Variants in ITGB6 observed in about 807,000 individuals in gnomAD.
The protein encoded by ITGB6 is integrin beta-6.
ITGB6 carries 80 observed loss-of-function variants against 84.5 expected under a neutral mutation model. The observed-to-expected ratio is 0.95, with a 90% CI of 0.79 to 1.14. The LOEUF (loss-of-function observed/expected upper bound fraction) is 1.14, where lower values mean the gene tolerates loss of function less well. Among genes scored for constraint, ITGB6 ranks in the 50% most tolerant of loss-of-function variants. The pLI is 0.00. For synonymous variants in ITGB6, 383 were observed against 354.9 expected (o/e 1.08, Z -0.89); for missense variants, 1,006 against 968.0 (o/e 1.04, Z -0.52).
intron 7 of ITGB6, among the ~76,000 whole-genome samples, chr2:160,149,926 C>A (rs1276638683): frequency 6.6e-6 from 1 of 151,820 alleles, no homozygotes; most frequent in African/African-American, 2.4e-5. Context: ...AAAAAGAAAC[C>A]AACAAAGCCT....
rs141994713 is a variant in ITGB6, at chr2:160,152,658, T to G, written c.1018-10587A>C. On this transcript the variant is annotated intron_variant, in intron 7 of 14. Transcript: ENST00000283249. ...AGTTAGGAAAAGAGGAAGTCAAATTTTCCCTGTTTGCAGATGACATGATTG... is the reference window on the plus strand; with the variant it reads ...AGTTAGGAAAAGAGGAAGTCAAATTGTCCCTGTTTGCAGATGACATGATTG... Among the ~76,000 whole-genome samples, 1,342 of 152,182 alleles carry G rather than the reference T, an allele frequency of 8.8e-3. 25 individuals carry two copies. The highest frequency in any genetic ancestry group is 0.031 in the African/African-American group (1,277 of 41,538).
At chr2:160,108,910 A>T (rs540467904) in intron 13 of ITGB6, among the ~76,000 whole-genome samples, 2 of 152,326 alleles carry the variant, frequency 1.3e-5, no homozygotes, top group East Asian at 3.9e-4. Context: ...TTAATGAAAC[A>T]TTATAATTAT....
Position 160,148,453 on chromosome 2 carries a change from T to C in ITGB6, c.1018-6382A>G, listed in dbSNP as rs141480808. ...TATATGATCCAGTGATCAAACTCTTTGGAATTTACCAAAAAGAGTTGAACA... is the reference window on the plus strand; with the variant it reads ...TATATGATCCAGTGATCAAACTCTTCGGAATTTACCAAAAAGAGTTGAACA... On this transcript the variant is annotated intron_variant, in intron 7 of 14. Coordinates refer to ENST00000283249, the MANE Select transcript of ITGB6 (RefSeq NM_000888.5). Among the ~76,000 whole-genome samples the C allele has an allele frequency of 2.0e-4, 30 of 152,326 alleles. No individual in the cohort carries two copies. The East Asian group carries it at 5.6e-3, about 28-fold the overall frequency.
chr2:160,108,160 CTAGTT>C (rs1387616658), intron 13 of ITGB6, among the ~76,000 whole-genome samples: 1 of 151,138 alleles, frequency 6.6e-6, no homozygotes, highest in Non-Finnish European at 1.5e-5. Flanking sequence ...AAGAAAAAGA[CTAGTT>C]TAATCACTAA....
intron 10 of ITGB6, among the ~76,000 whole-genome samples, chr2:160,128,063 T>C (rs1043510085): frequency 6.6e-6 from 1 of 152,218 alleles, no homozygotes; most frequent in Non-Finnish European, 1.5e-5. Context: ...ATTGAGCATA[T>C]ACTATGTGCC....
Position 160,199,053 on chromosome 2 carries a change from TC to T in ITGB6, c.141+125del, listed in dbSNP as rs1686450837. 4.4e-6 allele frequency: 3 copies of T among 682,836 alleles called. No individual in the cohort carries two copies. The East Asian group carries it at 8.1e-5, about 18-fold the overall frequency. 42.3% of individuals were successfully genotyped at this position (682,836 alleles called of 1,614,324 possible). A position where few individuals can be genotyped will look rare whatever the true frequency, so the allele number is the denominator to read the frequency against. On this transcript the variant is annotated intron_variant, in intron 2 of 14. Transcript: ENST00000283249. ...ATCTACCAATGCTCACCTTCTCCTT[TC>T]CTGATTTGTTTTACTTATACAACTC...
chr2:160,193,670 T>A (rs759244481), intron 4 of ITGB6, among the ~76,000 whole-genome samples: 2 of 152,202 alleles, frequency 1.3e-5, no homozygotes, highest in Non-Finnish European at 2.9e-5. Context: ...TTGCCCCTAT[T>A]TTCCTCCTTT....
chr2:160,189,747 C>A (rs1399401972), intron 4 of ITGB6, among the ~76,000 whole-genome samples: 2 of 152,050 alleles, frequency 1.3e-5, no homozygotes. Context: ...CACTTTTACA[C>A]TGTTGGTGGG....
chr2:160,118,444 G>A (rs961863688), intron 12 of ITGB6, among the ~76,000 whole-genome samples: 43 of 152,230 alleles, frequency 2.8e-4, no homozygotes, highest in African/African-American at 7.9e-4. Flanking sequence ...TGCAGAAAAG[G>A]CCTTTGACAA....
chr2:160,118,026 C>T (rs1248796161), intron 12 of ITGB6, among the ~76,000 whole-genome samples: 2 of 152,110 alleles, frequency 1.3e-5, no homozygotes, highest in Non-Finnish European at 2.9e-5. Context: ...TAATCAATAG[C>T]TTACCAACCA....
chr2:160,132,886 CT>C (rs1683530293), intron 10 of ITGB6, among the ~76,000 whole-genome samples: 1 of 152,014 alleles, frequency 6.6e-6, no homozygotes, highest in African/African-American at 2.4e-5. Context: ...CCATCTTTGT[CT>C]TTCCTGTAGG....
intron 10 of ITGB6, among the ~76,000 whole-genome samples, chr2:160,136,644 A>G (rs1313070827): frequency 6.6e-6 from 1 of 152,236 alleles, no homozygotes; most frequent in African/African-American, 2.4e-5. Context: ...AAGACTTGGA[A>G]CCAACCCAAA....
chr2:160,190,025 TA>T (rs1455239797), intron 4 of ITGB6, among the ~76,000 whole-genome samples: 2 of 151,988 alleles, frequency 1.3e-5, no homozygotes, highest in Non-Finnish European at 2.9e-5. Context: ...TATGCAGCCA[TA>T]AAAAATAATG....
chr2:160,192,526 A>C (rs1686181940), intron 4 of ITGB6, among the ~76,000 whole-genome samples: 3 of 152,166 alleles, frequency 2.0e-5, no homozygotes, highest in Admixed American at 2.0e-4. Context: ...TTCTAGAAGA[A>C]AATATAGGAA....
intron 6 of ITGB6, among the ~76,000 whole-genome samples, chr2:160,172,189 T>C (rs1685231355): frequency 6.6e-6 from 1 of 152,246 alleles, no homozygotes; most frequent in Non-Finnish European, 1.5e-5. Context: ...AAGGATGGCC[T>C]GATTCAAGGA....
At chr2:160,140,184 A>G (rs1683940177) in intron 8 of ITGB6, among the ~76,000 whole-genome samples, 1 of 152,228 alleles carries the variant, frequency 6.6e-6, no homozygotes, top group South Asian at 2.1e-4. Context: ...AACTAGTGCC[A>G]GGATCTATTA....
chr2:160,102,706 C>T (rs570057835), intron 14 of ITGB6, among the ~76,000 whole-genome samples: 1 of 152,178 alleles, frequency 6.6e-6, no homozygotes, highest in Non-Finnish European at 1.5e-5. Context: ...GATCAAGCCT[C>T]TCTAGTTGTT....
intron 7 of ITGB6, among the ~76,000 whole-genome samples, chr2:160,153,741 A>AG (rs1574094246): frequency 1.3e-5 from 2 of 152,046 alleles, no homozygotes; most frequent in South Asian, 4.1e-4. Context: ...CAAATTTACA[A>AG]GAAAAAAAAA....
At chr2:160,188,833 T>G (rs1167474864) in intron 4 of ITGB6, among the ~76,000 whole-genome samples, 1 of 152,068 alleles carries the variant, frequency 6.6e-6, no homozygotes, top group East Asian at 1.9e-4. Context: ...CTCAAACTCC[T>G]GAACTCATGA....
Sources: allele counts gnomAD v4.1 joint callset (sites outside exome capture counted in the v4.1 genomes callset), GRCh38; gene constraint gnomAD v4.1.1; transcripts MANE v1.5; gene names NCBI Gene and HGNC (gene_info 2026-07-23, HGNC 2026-07-21).